ZPBP: variants seen among roughly 807,000 people sequenced by gnomAD.
ZPBP encodes the protein zona pellucida-binding protein 1.
Under a neutral mutation model 44.8 loss-of-function variants are expected in ZPBP, and 26 were observed. The observed-to-expected ratio is 0.58, with a 90% CI of 0.43 to 0.81. The LOEUF is 0.81. Ranked by LOEUF, ZPBP falls within the 30% of genes least tolerant of loss-of-function variation. The probability of loss-of-function intolerance (pLI) is 0.00; values close to 1 mark genes in which losing one functional copy is unlikely to be tolerated. For synonymous variants in ZPBP, 174 were observed against 153.2 expected (o/e 1.14, Z -1.00); for missense variants, 409 against 434.0 (o/e 0.94, Z 0.51).
chr7:49,946,287 G>A (rs1478754432), intron 7 of ZPBP, among the ~76,000 whole-genome samples: 2 of 151,658 alleles, frequency 1.3e-5, no homozygotes, highest in East Asian at 1.9e-4. Context: ...GTTTTTTTGT[G>A]TATTTACTTC....
chr7:49,949,451 T>C (rs1795238117), intron 7 of ZPBP, among the ~76,000 whole-genome samples: 1 of 152,072 alleles, frequency 6.6e-6, no homozygotes, highest in African/African-American at 2.4e-5. Context: ...TATTCAGCCT[T>C]AAAAAGGAAA....
intron 2 of ZPBP, among the ~76,000 whole-genome samples, chr7:50,088,302 C>G (rs1183871174): frequency 6.6e-6 from 1 of 151,958 alleles, no homozygotes; most frequent in East Asian, 1.9e-4. Flanking sequence ...GCCTAAATGT[C>G]AGAGTTAAAA....
intron 2 of ZPBP, among the ~76,000 whole-genome samples, chr7:49,891,527 CCAAA>C (rs1430084531): frequency 6.6e-6 from 1 of 152,032 alleles, no homozygotes. Flanking sequence ...CAGAGAATAT[CCAAA>C]CAATCAGTCA....
chr7:49,873,265 T>G (rs78832069), intron 2 of ZPBP, among the ~76,000 whole-genome samples: 4,899 of 152,226 alleles, frequency 0.032, 240 homozygotes, highest in African/African-American at 0.11. Flanking sequence ...GGAAGTCCAA[T>G]ATCAAGAGGC....
chr7:50,031,100 G>A lies in ZPBP; in HGVS notation c.698C>T (p.Ala233Val). 6.2e-7 allele frequency: 1 copy of A among 1,613,250 alleles called. No individual in the cohort carries two copies. Among genetic ancestry groups the A allele is most frequent in the Non-Finnish European group, 8.5e-7 (1 of 1,179,680 alleles). ...AAATTGTATAGACTTACCTGAAAAT[G>A]CAAAGAACAATTCATTTTGCAAACC... ...RAGLQNELFF[A>V]FSVSSLDTEK... Residue 233 changes from alanine (A) to valine (V), a missense_variant, in exon 5 of 8, where the codon GCA (alanine) becomes GTA (valine). Coordinates refer to ENST00000046087, the MANE Select transcript of ZPBP (RefSeq NM_007009.3).
At chr7:50,021,823 T>C (rs970757232) in intron 5 of ZPBP, among the ~76,000 whole-genome samples, 3 of 152,176 alleles carry the variant, frequency 2.0e-5, no homozygotes, top group Non-Finnish European at 2.9e-5. Context: ...CCTTCCCACA[T>C]GCCTTGCCCT....
intron 2 of ZPBP, among the ~76,000 whole-genome samples, chr7:49,895,241 C>T (rs569001341): frequency 2.3e-4 from 35 of 152,154 alleles, no homozygotes; most frequent in Admixed American, 1.3e-3. Context: ...AGTTCCCTCA[C>T]ATTTGTTTCC....
intron 6 of ZPBP, among the ~76,000 whole-genome samples, chr7:50,015,869 C>A (rs1027769296): frequency 6.6e-6 from 1 of 152,092 alleles, no homozygotes; most frequent in African/African-American, 2.4e-5. Context: ...GAGATAGCAT[C>A]TCATACCAGT....
intron 2 of ZPBP, among the ~76,000 whole-genome samples, chr7:49,891,523 A>C (rs1792126983): frequency 6.6e-6 from 1 of 152,212 alleles, no homozygotes; most frequent in Non-Finnish European, 1.5e-5. Flanking sequence ...TTAGCAGAGA[A>C]TATCCAAACA....
intron 7 of ZPBP, among the ~76,000 whole-genome samples, chr7:49,982,341 C>G (rs1471678884): frequency 1.1e-5 from 1 of 94,420 alleles, no homozygotes; most frequent in Non-Finnish European, 2.1e-5. Flanking sequence ...ATATATAATA[C>G]ATAATATATA....
intron 3 of ZPBP, among the ~76,000 whole-genome samples, chr7:50,068,525 G>A (rs1167901774): frequency 2.6e-5 from 4 of 151,582 alleles, no homozygotes; most frequent in African/African-American, 9.7e-5. Context: ...AGCCTCAGCC[G>A]GCTTTCAAAC....
At chr7:49,961,180 T>C (rs1436776927) in intron 7 of ZPBP, among the ~76,000 whole-genome samples, 4 of 152,198 alleles carry the variant, frequency 2.6e-5, no homozygotes, top group Non-Finnish European at 5.9e-5. Flanking sequence ...AGAAGCTTTA[T>C]TTGTAATGGC....
chr7:50,069,005 G>C (rs1801684190), intron 3 of ZPBP, among the ~76,000 whole-genome samples: 1 of 152,152 alleles, frequency 6.6e-6, no homozygotes, highest in South Asian at 2.1e-4. Context: ...TGCATCATCT[G>C]GCTCTTAGCA....
chr7:49,910,597 T>G (rs963058036), intron 1 of ZPBP, among the ~76,000 whole-genome samples: 1 of 65,468 alleles, frequency 1.5e-5, no homozygotes, highest in African/African-American at 6.6e-5. Context: ...ACAAAGCCAT[T>G]AATCTTTTAA....
chr7:49,980,593 A>G (rs1022937544), intron 7 of ZPBP, among the ~76,000 whole-genome samples: 5 of 151,938 alleles, frequency 3.3e-5, no homozygotes, highest in Non-Finnish European at 5.9e-5. Context: ...CTGAGTGTGC[A>G]GAACTCAAAT....
At chr7:49,899,715 T>C (rs1414842927) in intron 2 of ZPBP, among the ~76,000 whole-genome samples, 1 of 151,946 alleles carries the variant, frequency 6.6e-6, no homozygotes. Context: ...GTGAATCCAC[T>C]TTTATACTTG....
intron 2 of ZPBP, among the ~76,000 whole-genome samples, chr7:49,875,238 C>T (rs1302175122): frequency 6.6e-6 from 1 of 151,330 alleles, no homozygotes; most frequent in African/African-American, 2.4e-5. Context: ...GGCATGGTGG[C>T]ATGCGCCTTT....
At chr7:50,049,498 G>A (rs777430434) in intron 4 of ZPBP, among the ~76,000 whole-genome samples, 23 of 151,266 alleles carry the variant, frequency 1.5e-4, no homozygotes, top group Non-Finnish European at 3.0e-4. Flanking sequence ...GCAAGTTTGG[G>A]TTAATATTTA....
At chr7:49,911,275 A>G (rs887302024) in intron 1 of ZPBP, among the ~76,000 whole-genome samples, 1 of 151,982 alleles carries the variant, frequency 6.6e-6, no homozygotes, top group Admixed American at 6.5e-5. Context: ...CGAGGTCAAG[A>G]GATCGAGACC....
Sources: allele counts gnomAD v4.1 joint callset (sites outside exome capture counted in the v4.1 genomes callset), GRCh38; gene constraint gnomAD v4.1.1; transcripts MANE v1.5; gene names NCBI Gene and HGNC (gene_info 2026-07-23, HGNC 2026-07-21).